PLCG2: variants seen among roughly 807,000 people sequenced by gnomAD.
PLCG2 encodes 1-phosphatidylinositol 4,5-bisphosphate phosphodiesterase gamma-2.
Under a neutral mutation model 175.6 loss-of-function variants are expected in PLCG2, and 69 were observed. The observed-to-expected ratio is 0.39, with a 90% CI of 0.32 to 0.48. The LOEUF is 0.48. Ranked by LOEUF, PLCG2 falls within the 20% of genes least tolerant of loss-of-function variation. The probability of loss-of-function intolerance (pLI) is 0.91; values close to 1 mark genes in which losing one functional copy is unlikely to be tolerated. For missense variants in PLCG2, 1,798 were observed against 1,650.9 expected, an observed-to-expected ratio of 1.09 and a Z score of -1.54; for synonymous variants, 827 against 624.0, an observed-to-expected ratio of 1.33 and a Z score of -4.85.
intron 27 of PLCG2, among the ~76,000 whole-genome samples, chr16:81,936,611 C>T (rs1042067919): frequency 6.6e-6 from 1 of 152,168 alleles, no homozygotes. Flanking sequence ...AAGTAAGTGA[C>T]AGAGGCTGAG....
chr16:81,943,203 C>G (rs1290078516), intron 30 of PLCG2, among the ~76,000 whole-genome samples: 1 of 152,208 alleles, frequency 6.6e-6, no homozygotes, highest in African/African-American at 2.4e-5. Context: ...CGTTCTCACA[C>G]TGCTATAAAG....
intron 2 of PLCG2, among the ~76,000 whole-genome samples, chr16:81,770,411 T>C (rs1029062957): frequency 1.3e-5 from 2 of 152,222 alleles, no homozygotes; most frequent in Non-Finnish European, 2.9e-5. Flanking sequence ...TGAACAGCCT[T>C]TAAAAAATAT....
intron 9 of PLCG2, among the ~76,000 whole-genome samples, chr16:81,888,520 G>A (rs1908482331): frequency 6.6e-6 from 1 of 152,224 alleles, no homozygotes; most frequent in Non-Finnish European, 1.5e-5. Context: ...TGCACCAGGT[G>A]CTGCATTAGG....
chr16:81,872,250 C>T (rs1907551071), intron 7 of PLCG2, among the ~76,000 whole-genome samples: 1 of 152,152 alleles, frequency 6.6e-6, no homozygotes, highest in South Asian at 2.1e-4. Flanking sequence ...ATCACTTGAA[C>T]CTGGGAGGCG....
intron 27 of PLCG2, among the ~76,000 whole-genome samples, chr16:81,936,927 A>ATAAG (rs1910740026): frequency 6.6e-6 from 1 of 152,102 alleles, no homozygotes. Flanking sequence ...CATTTATTTA[A>ATAAG]TAAGTCCCCG....
At chr16:81,866,378 C>T (rs1355696413) in intron 5 of PLCG2, among the ~76,000 whole-genome samples, 1 of 126,702 alleles carries the variant, frequency 7.9e-6, no homozygotes, top group Non-Finnish European at 1.7e-5. Context: ...TCCACTGGGG[C>T]ACCAGCATGA....
chr16:81,881,032 G>T, intron 8 of PLCG2, 79 bp downstream of exon 8: 3 of 1,430,416 alleles, frequency 2.1e-6, no homozygotes, highest in Admixed American at 3.4e-5. Context: ...TCCAGGAGGG[G>T]ATGCCTGTGT....
At chr16:81,939,863 G>A (rs2143736790) in intron 29 of PLCG2, 29 bp from the exon 30 acceptor site, 2 of 1,543,550 alleles carry the variant, frequency 1.3e-6, no homozygotes, top group African/African-American at 1.4e-5. Flanking sequence ...CTCCAATGTG[G>A]CCTCTCATGA....
chr16:81,818,757 G>T (rs12923776), intron 2 of PLCG2, among the ~76,000 whole-genome samples: 1 of 151,960 alleles, frequency 6.6e-6, no homozygotes, highest in African/African-American at 2.4e-5. Flanking sequence ...GAAACTGAGG[G>T]CTGCTGAGCC....
intron 3 of PLCG2, 146 bp downstream of exon 3, chr16:81,854,733 A>G (rs1377553717): frequency 8.2e-6 from 6 of 733,196 alleles, no homozygotes; most frequent in African/African-American, 1.7e-5. Context: ...GCCCCTTTCT[A>G]GCTGTGTGTC....
At chr16:81,912,516 C>T in intron 18 of PLCG2, 81 bp from the exon 19 acceptor site, 3 of 1,533,386 alleles carry the variant, frequency 2.0e-6, no homozygotes, top group South Asian at 2.4e-5. Flanking sequence ...TCACTGGTGC[C>T]ATTATCTTGT....
chr16:81,819,952 C>G (rs1053775441), intron 2 of PLCG2, among the ~76,000 whole-genome samples: 9 of 152,176 alleles, frequency 5.9e-5, no homozygotes, highest in African/African-American at 1.9e-4. Context: ...CAGATTCATT[C>G]TAGAACCTTT....
At chr16:81,794,070 G>T (rs1911357171) in intron 2 of PLCG2, among the ~76,000 whole-genome samples, 1 of 152,164 alleles carries the variant, frequency 6.6e-6, no homozygotes, top group Admixed American at 6.5e-5. Context: ...CCTTACGTGT[G>T]CAGAGGACTT....
chr16:81,757,831 C>G (rs144031647), intron 2 of PLCG2, among the ~76,000 whole-genome samples: 11 of 152,250 alleles, frequency 7.2e-5, no homozygotes, highest in African/African-American at 2.4e-4. Flanking sequence ...CCCCTTCCCC[C>G]ACCCCTTCAA....
chr16:81,865,942 G>A (rs879246794), intron 5 of PLCG2, among the ~76,000 whole-genome samples: 5 of 134,452 alleles, frequency 3.7e-5, no homozygotes, highest in East Asian at 2.3e-4. Context: ...AGAGGACGCT[G>A]GCCTCTCCCT....
intron 9 of PLCG2, among the ~76,000 whole-genome samples, chr16:81,888,277 C>T (rs1908464635): frequency 6.6e-6 from 1 of 152,080 alleles, no homozygotes; most frequent in Admixed American, 6.6e-5. Flanking sequence ...ATGGTACAAC[C>T]TCGGTTCATT....
rs1910170071 is a variant in PLCG2 at position 81,767,183 on chromosome 16, C to T, written c.-48+11217C>T. 1.7e-5 allele frequency among the ~76,000 whole-genome samples: 2 copies of T among 116,896 alleles called. 1 individual carries two copies. Among genetic ancestry groups the T allele is most frequent in the South Asian group, 6.1e-4 (2 of 3,274 alleles). 76.7% of individuals were successfully genotyped at this position (116,896 alleles called of 152,430 possible). On this transcript the variant is annotated intron_variant, in intron 2 of 5. Coordinates refer to the PLCG2 transcript ENST00000565054. ...TTTTTGAGACTGAGTCTCGATCTAT[C>T]ACCCACGCTGGAGTGCAGTGGTGCA...
At chr16:81,784,773 G>C (rs973771080) in intron 1 of PLCG2, among the ~76,000 whole-genome samples, 5 of 152,154 alleles carry the variant, frequency 3.3e-5, no homozygotes, top group Admixed American at 3.3e-4. Context: ...GACTGGAAAT[G>C]AGCCCAGAGG....
At chr16:81,879,727 G>A (rs972507895) in intron 7 of PLCG2, among the ~76,000 whole-genome samples, 2 of 152,170 alleles carry the variant, frequency 1.3e-5, no homozygotes, top group African/African-American at 4.8e-5. Context: ...GGCTACCTGG[G>A]CAGAAATGGA....
Sources: gnomAD v4.1 joint callset for allele counts (sites outside exome capture counted in the v4.1 genomes callset) on GRCh38, gnomAD v4.1.1 for gene constraint, MANE v1.5 for transcripts, NCBI Gene and HGNC (gene_info 2026-07-23, HGNC 2026-07-21) for gene names.